ADAM9: variants seen among roughly 807,000 people sequenced by gnomAD.
ADAM9 encodes the protein disintegrin and metalloproteinase domain-containing protein 9.
ADAM9 carries 54 observed loss-of-function variants against 108.1 expected under a neutral mutation model. The observed-to-expected ratio is 0.50, with a 90% confidence interval of 0.40 to 0.63. The LOEUF is 0.63. Ranked by LOEUF, ADAM9 falls within the 20% of genes least tolerant of loss-of-function variation. The pLI is 0.00. For synonymous variants in ADAM9, 316 were observed against 336.0 expected (o/e 0.94, Z 0.65); for missense variants, 830 against 997.7 (o/e 0.83, Z 2.26).
chr8:39,055,873 C>G, intron 14 of ADAM9, 101 bp downstream of exon 14: 1 of 1,206,156 alleles, frequency 8.3e-7, no homozygotes, highest in Non-Finnish European at 1.2e-6. Flanking sequence ...AGTTGAGGCT[C>G]TCTTGTTTCT....
chr8:39,099,871 GTTTGT>G (rs1839628897), intron 20 of ADAM9, among the ~76,000 whole-genome samples: 3 of 104,802 alleles, frequency 2.9e-5, no homozygotes, highest in Non-Finnish European at 3.7e-5. Context: ...GGGGTATCGT[GTTTGT>G]TTTTTTTTTT....
In ADAM9 at chr8:39,104,440, G is replaced by T. The variant is rs117938349; in HGVS notation, c.*740G>T. On this transcript the variant is annotated 3_prime_UTR_variant, in exon 22 of 22. Coordinates refer to ENST00000487273, the MANE Select transcript of ADAM9 (RefSeq NM_003816.3). Reference sequence around the variant, plus strand: ...TGAATCATGTGAAAGCATGACATTCGTTCACAATAGCACTATTTTAAATAA... The same window carrying T: ...TGAATCATGTGAAAGCATGACATTCTTTCACAATAGCACTATTTTAAATAA... 4.7e-6 allele frequency: 2 copies of T among 423,212 alleles called. No homozygotes were observed. The highest frequency in any genetic ancestry group is 1.4e-4 in the East Asian group (2 of 13,910). The allele number at this position is 423,212 out of a possible 1,614,324, so 26.2% of individuals were successfully genotyped here. A position where few individuals can be genotyped will look rare whatever the true frequency, so the allele number is the denominator to read the frequency against.
intron 12 of ADAM9, among the ~76,000 whole-genome samples, chr8:39,054,135 C>T (rs1838039594): frequency 1.3e-5 from 2 of 152,140 alleles, no homozygotes; most frequent in African/African-American, 4.8e-5. Context: ...AGAGAATCCT[C>T]ACTAGAAACT....
chr8:39,008,068 C>A, intron 2 of ADAM9, 85 bp downstream of exon 2: 1 of 989,060 alleles, frequency 1.0e-6, no homozygotes. Context: ...TAGCAGTGAT[C>A]AGTTCAGTGA....
intron 5 of ADAM9, among the ~76,000 whole-genome samples, chr8:39,016,876 G>A (rs184922119): frequency 5.3e-5 from 8 of 152,256 alleles, no homozygotes; most frequent in African/African-American, 1.7e-4. Context: ...TAAATACCTC[G>A]CTGAGAGTCC....
chr8:39,038,446 G>A (rs1027822775), intron 11 of ADAM9, among the ~76,000 whole-genome samples: 1 of 152,078 alleles, frequency 6.6e-6, no homozygotes, highest in African/African-American at 2.4e-5. Flanking sequence ...ACATATTTGA[G>A]GTGCCTGTCC....
At chr8:39,022,157 C>T (rs957601860) in intron 8 of ADAM9, among the ~76,000 whole-genome samples, 6 of 150,480 alleles carry the variant, frequency 4.0e-5, no homozygotes, top group Non-Finnish European at 5.9e-5. Context: ...GGAGTTCATC[C>T]GGTGGGAGAT....
chr8:39,033,299 T>C (rs1837159665), intron 11 of ADAM9, among the ~76,000 whole-genome samples: 1 of 152,196 alleles, frequency 6.6e-6, no homozygotes, highest in Non-Finnish European at 1.5e-5. Context: ...AATTGCTTTT[T>C]AGTTCCAGGA....
chr8:39,047,289 A>G (rs537646025), intron 12 of ADAM9, among the ~76,000 whole-genome samples: 158 of 152,348 alleles, frequency 1.0e-3, no homozygotes, highest in African/African-American at 3.7e-3. Flanking sequence ...TTGGTGATAC[A>G]GTCTGCATCA....
At chr8:39,099,241 A>C (rs752676847) in intron 20 of ADAM9, among the ~76,000 whole-genome samples, 31 of 152,114 alleles carry the variant, frequency 2.0e-4, no homozygotes, top group Non-Finnish European at 3.8e-4. Context: ...TCTATGGGTC[A>C]CTGAAAACGC....
rs149362583 is a variant in ADAM9 at position 39,001,362 on chromosome 8, A to G, written c.97+4202A>G. 3.0e-3 allele frequency among the ~76,000 whole-genome samples: 452 copies of G among 152,378 alleles called. 2 individuals carry two copies. Among genetic ancestry groups the G allele is most frequent in the African/African-American group, 0.01 (428 of 41,598 alleles). On this transcript the variant is annotated intron_variant, in intron 1 of 21. Transcript: ENST00000487273. ...CTATGTTTGTTTAGCTGTAACCATCAGAAGAGGTTATTTATTCAACACATA... is the reference window on the plus strand; with the variant it reads ...CTATGTTTGTTTAGCTGTAACCATCGGAAGAGGTTATTTATTCAACACATA...
chr8:39,092,178 G>T (rs1839377706), intron 20 of ADAM9, among the ~76,000 whole-genome samples: 1 of 152,120 alleles, frequency 6.6e-6, no homozygotes. Flanking sequence ...AAACTTTTAA[G>T]AACGTTTTAT....
At chr8:39,063,408 C>T (rs1482698511) in intron 14 of ADAM9, among the ~76,000 whole-genome samples, 1 of 152,128 alleles carries the variant, frequency 6.6e-6, no homozygotes, top group South Asian at 2.1e-4. Flanking sequence ...ATGTTGGAGA[C>T]GCTGTTTCCA....
intron 2 of ADAM9, among the ~76,000 whole-genome samples, chr8:39,011,388 C>G (rs1231075271): frequency 6.6e-6 from 1 of 152,098 alleles, no homozygotes; most frequent in Non-Finnish European, 1.5e-5. Flanking sequence ...AAGATAATCC[C>G]TGCAGTTATA....
rs1322644991 is a variant in ADAM9, at chr8:39,103,755, T to G, written c.*55T>G. The G allele has an allele frequency of 3.2e-6, 5 of 1,542,462 alleles. No individual in the cohort carries two copies. The highest frequency in any genetic ancestry group is 3.6e-6 in the Non-Finnish European group (4 of 1,116,662). ...TCAGGGAACTGAGCTAATACTTTTT[T>G]TTTTTCTTGATGTTTTCTTGAAAAG... On this transcript the variant is annotated 3_prime_UTR_variant, in exon 22 of 22. Coordinates refer to ENST00000487273, the MANE Select transcript of ADAM9 (RefSeq NM_003816.3).
chr8:39,085,103 G>A (rs1471335969), intron 18 of ADAM9, among the ~76,000 whole-genome samples: 1 of 151,900 alleles, frequency 6.6e-6, no homozygotes, highest in Admixed American at 6.6e-5. Context: ...CATATAGTTG[G>A]ATCTTGCTTT....
intron 11 of ADAM9, among the ~76,000 whole-genome samples, chr8:39,027,859 A>G (rs1229640921): frequency 1.3e-5 from 2 of 152,124 alleles, no homozygotes; most frequent in Non-Finnish European, 2.9e-5. Flanking sequence ...GCTTGAGACC[A>G]GGAGTTCAAG....
At chr8:39,074,471 C>T (rs1838792216) in intron 15 of ADAM9, among the ~76,000 whole-genome samples, 1 of 152,064 alleles carries the variant, frequency 6.6e-6, no homozygotes, top group Non-Finnish European at 1.5e-5. Flanking sequence ...CAAGATTTTG[C>T]TGAACCATTT....
At chr8:39,032,639 G>A (rs578195159) in intron 11 of ADAM9, among the ~76,000 whole-genome samples, 1 of 152,370 alleles carries the variant, frequency 6.6e-6, no homozygotes, top group East Asian at 1.9e-4. Context: ...GTGAGGCGAT[G>A]CCCCGCCCTG....
Sources: allele counts gnomAD v4.1 joint callset (sites outside exome capture counted in the v4.1 genomes callset), GRCh38; gene constraint gnomAD v4.1.1; transcripts MANE v1.5; gene names NCBI Gene and HGNC (gene_info 2026-07-23, HGNC 2026-07-21).